The following RNF122 variants were observed in gnomAD, a reference collection of about 807,000 sequenced individuals.
RNF122 encodes ring finger protein 122.
RNF122 carries 17 observed loss-of-function variants against 24.2 expected under a neutral mutation model. The observed-to-expected ratio is 0.70, with a 90% CI of 0.48 to 1.06. RNF122 has a LOEUF of 1.06. Ranked by LOEUF, RNF122 falls within the 50% of genes least tolerant of loss-of-function variation. RNF122 has a pLI of 0.00. For synonymous variants in RNF122, 65 were observed against 71.8 expected (o/e 0.91, Z 0.48); for missense variants, 168 against 198.1 (o/e 0.85, Z 0.91).
chr8:33,561,691 C>T (rs924616459), intron 1 of RNF122, among the ~76,000 whole-genome samples: 16 of 152,056 alleles, frequency 1.1e-4, no homozygotes, highest in African/African-American at 3.9e-4. Context: ...TATAGGTGTA[C>T]ACCACCACGC....
chr8:33,557,624 T>A, intron 2 of RNF122, among the ~76,000 whole-genome samples: 1 of 96,554 alleles, frequency 1.0e-5, no homozygotes, highest in Non-Finnish European at 2.1e-5. Flanking sequence ...TGAGACACCG[T>A]CTCAAAAAAA....
intron 5 of RNF122, 102 bp downstream of exon 5, chr8:33,549,308 C>T (rs546174518): frequency 1.1e-4 from 105 of 937,418 alleles, no homozygotes; most frequent in African/African-American, 1.0e-3. Flanking sequence ...TGGGGCATCA[C>T]GGATAAGGGG....
intron 1 of RNF122, among the ~76,000 whole-genome samples, chr8:33,561,480 C>T (rs1383858988): frequency 2.0e-5 from 3 of 151,986 alleles, no homozygotes; most frequent in Non-Finnish European, 4.4e-5. Context: ...TTGATGTCAT[C>T]CCTGTTTCTA....
chr8:33,551,011 G>A (rs1810365583), intron 4 of RNF122, 33 bp downstream of exon 4: 4 of 1,610,888 alleles, frequency 2.5e-6, no homozygotes, highest in Non-Finnish European at 1.7e-6. Flanking sequence ...TCACCTGCTG[G>A]GGCCCTCCTG....
In RNF122 at chr8:33,566,785, G is replaced by T; in HGVS notation, c.-62C>A. 6.4e-7 allele frequency: 1 copy of T among 1,570,760 alleles called. No homozygotes were observed. Among genetic ancestry groups the T allele is most frequent in the South Asian group, 1.2e-5 (1 of 85,908 alleles). On this transcript the variant is annotated 5_prime_UTR_variant, in exon 1 of 6. Coordinates refer to ENST00000256257, the MANE Select transcript of RNF122 (RefSeq NM_024787.3). ...CGCAGGCGGGGTGCCAGGAGGGCGG[G>T]GTGGGAGCACTAGCGGCGTGAGGGG...
At chr8:33,555,728 T>G (rs767362377) in intron 2 of RNF122, among the ~76,000 whole-genome samples, 1 of 152,244 alleles carries the variant, frequency 6.6e-6, no homozygotes, top group Non-Finnish European at 1.5e-5. Context: ...TCTTCCTCTA[T>G]GTATCACCTT....
chr8:33,560,885 C>T (rs1190722753), intron 1 of RNF122, among the ~76,000 whole-genome samples: 2 of 151,928 alleles, frequency 1.3e-5, no homozygotes, highest in Non-Finnish European at 2.9e-5. Flanking sequence ...GAGCTGACAT[C>T]GTGCCACTGT....
At chr8:33,564,859 C>T (rs1388491953) in intron 1 of RNF122, among the ~76,000 whole-genome samples, 2 of 151,362 alleles carry the variant, frequency 1.3e-5, no homozygotes, top group Admixed American at 1.3e-4. Flanking sequence ...ACAACAAGAG[C>T]GAAACTCAGT....
rs777531296 is a variant in RNF122 at position 33,549,421 on chromosome 8, G to A, written c.342C>T (p.Ala114=). 3 of 1,613,858 alleles carry A rather than the reference G, an allele frequency of 1.9e-6. No individual in the cohort carries two copies. The highest frequency in any genetic ancestry group is 4.5e-5 in the East Asian group (2 of 44,864). Residue 114 remains alanine (A), a synonymous_variant, in exon 5 of 6, where the codon GCC becomes GCT. Coordinates refer to ENST00000256257, the MANE Select transcript of RNF122 (RefSeq NM_024787.3). ...ACATTCCCACGTACTTGCGGTGAAA[G>A]GCGTGTTGGCACGGGAGCACGCCTA... The part of the protein sequence containing the change: ...DELGVLPCQH[A]FHRKCLVKWL...
At chr8:33,557,145 A>G (rs1380696338) in intron 2 of RNF122, among the ~76,000 whole-genome samples, 1 of 152,232 alleles carries the variant, frequency 6.6e-6, no homozygotes, top group Non-Finnish European at 1.5e-5. Context: ...CGGGGGAGAC[A>G]GCTAATGGCC....
At chr8:33,565,907 G>A (rs1810615735) in intron 1 of RNF122, among the ~76,000 whole-genome samples, 1 of 152,204 alleles carries the variant, frequency 6.6e-6, no homozygotes, top group African/African-American at 2.4e-5. Flanking sequence ...AGGCTGGAGT[G>A]TAATGGCACG....
rs188761503 is a variant in RNF122, at chr8:33,565,559, C to G, written c.25+1140G>C. The stretch of plus-strand genomic sequence containing the variant: ...TAGTATCCAAGGTTTTGAAGTGTCC[C>G]GCTCAGAAACACCTACCTTTCAGGT... On this transcript the variant is annotated intron_variant, in intron 1 of 5. Coordinates refer to ENST00000256257, the MANE Select transcript of RNF122 (RefSeq NM_024787.3). Among the ~76,000 whole-genome samples the G allele has an allele frequency of 1.2e-3, 178 of 152,272 alleles. 1 individual carries two copies. The highest frequency in any genetic ancestry group is 1.9e-3 in the Non-Finnish European group (132 of 68,026).
intron 1 of RNF122, among the ~76,000 whole-genome samples, chr8:33,565,544 G>A (rs1460452277): frequency 6.6e-6 from 1 of 152,162 alleles, no homozygotes. Flanking sequence ...TAGTATCCAA[G>A]GTTTTGAAGT....
intron 2 of RNF122, among the ~76,000 whole-genome samples, chr8:33,558,323 T>C (rs1384133662): frequency 6.6e-6 from 1 of 152,118 alleles, no homozygotes; most frequent in Non-Finnish European, 1.5e-5. Flanking sequence ...CTAACTTTAT[T>C]ACTCAGTCAC....
Position 33,566,831 on chromosome 8 carries a change from G to C in RNF122, c.-108C>G. On this transcript the variant is annotated 5_prime_UTR_variant, in exon 1 of 6. Transcript: ENST00000256257. ...AGGGGCCGCAGGCGGGGTCGGGGCAGCGCGCTGCAGCCGCCCTGCTGGAGA... is the reference window on the plus strand; with the variant it reads ...AGGGGCCGCAGGCGGGGTCGGGGCACCGCGCTGCAGCCGCCCTGCTGGAGA... The C allele has an allele frequency of 7.9e-7, 1 of 1,270,912 alleles. No homozygotes were observed. The highest frequency in any genetic ancestry group is 1.3e-5 in the South Asian group (1 of 77,600). 78.7% of individuals were successfully genotyped at this position (1,270,912 alleles called of 1,614,324 possible).
chr8:33,564,711 A>G (rs1317786426), intron 1 of RNF122, among the ~76,000 whole-genome samples: 1 of 152,146 alleles, frequency 6.6e-6, no homozygotes, highest in Non-Finnish European at 1.5e-5. Context: ...CCTCTCTACT[A>G]AAAATACAAA....
At chr8:33,550,742 C>T (rs1259687777) in intron 4 of RNF122, among the ~76,000 whole-genome samples, 2 of 152,124 alleles carry the variant, frequency 1.3e-5, no homozygotes, top group East Asian at 3.8e-4. Context: ...CTGTCTATGG[C>T]ATGAAAGGGT....
At position 33,551,402 on chromosome 8, in the gene RNF122, G is replaced by GA. The variant is rs560896266; in HGVS notation, c.183-14dup. 254 of 1,613,962 alleles carry GA rather than the reference G, an allele frequency of 1.6e-4. 1 individual carries two copies. The East Asian group carries it at 4.3e-3, about 27-fold the overall frequency. On this transcript the variant is annotated splice_polypyrimidine_tract_variant and intron_variant, in intron 2 of 5. Transcript: ENST00000256257. Reference sequence around the variant, plus strand: ...GTTCCGCAGTTTGCTGGGAGAAAGAGAAAAAAATTAGAGAAAGCAGGTTAA... The same window carrying GA: ...GTTCCGCAGTTTGCTGGGAGAAAGAGAAAAAAAATTAGAGAAAGCAGGTTAA...
intron 2 of RNF122, among the ~76,000 whole-genome samples, chr8:33,554,878 G>C (rs1454080493): frequency 6.6e-6 from 1 of 152,246 alleles, no homozygotes; most frequent in Non-Finnish European, 1.5e-5. Context: ...GAATGAGCGA[G>C]GGGCTGGCCT....
Sources: allele counts gnomAD v4.1 joint callset (sites outside exome capture counted in the v4.1 genomes callset), GRCh38; gene constraint gnomAD v4.1.1; transcripts MANE v1.5; gene names NCBI Gene and HGNC (gene_info 2026-07-23, HGNC 2026-07-21).